FYCO1: variants seen among roughly 807,000 people sequenced by gnomAD.
FYCO1 encodes FYVE and coiled-coil domain autophagy adaptor 1, also known as FYVE and coiled-coil domain-containing protein 1.
Under a neutral mutation model 165.1 loss-of-function variants are expected in FYCO1, and 122 were observed. The ratio of observed to expected loss-of-function variants is 0.74; its 90% CI spans 0.64 to 0.86. The LOEUF (loss-of-function observed/expected upper bound fraction) is 0.86, where lower values mean the gene tolerates loss of function less well. Ranked by LOEUF, FYCO1 falls within the 40% of genes least tolerant of loss-of-function variation. The pLI, the probability that FYCO1 is intolerant of heterozygous loss-of-function variation, is 0.00. For missense variants in FYCO1, 1,702 were observed against 1,810.3 expected, an observed-to-expected ratio of 0.94 and a Z score of 1.09; for synonymous variants, 648 against 742.5, an observed-to-expected ratio of 0.87 and a Z score of 2.07.
chr3:45,948,066 C>T (rs1704753139), intron 14 of FYCO1: 1 of 168,012 alleles, frequency 6.0e-6, no homozygotes, highest in African/African-American at 2.4e-5. Flanking sequence ...GAATAACTAG[C>T]ACCAGGGACT....
At chr3:45,991,014 G>A (rs1707536609) in intron 1 of FYCO1, among the ~76,000 whole-genome samples, 3 of 152,126 alleles carry the variant, frequency 2.0e-5, no homozygotes, top group Non-Finnish European at 2.9e-5. Flanking sequence ...TCCTGACCTC[G>A]TGATCCACCC....
intron 16 of FYCO1, among the ~76,000 whole-genome samples, chr3:45,926,665 TC>T (rs1420157257): frequency 1.3e-5 from 2 of 152,108 alleles, no homozygotes; most frequent in Non-Finnish European, 1.5e-5. Flanking sequence ...CTAATTGGCA[TC>T]TATAATAGAA....
At chr3:45,987,430 A>G (rs1196407435) in intron 1 of FYCO1, among the ~76,000 whole-genome samples, 4 of 152,240 alleles carry the variant, frequency 2.6e-5, no homozygotes, top group African/African-American at 9.6e-5. Flanking sequence ...GATCTGAGGA[A>G]GGGAAAATCT....
intron 6 of FYCO1, 56 bp downstream of exon 6, chr3:45,973,032 C>T: frequency 6.2e-7 from 1 of 1,606,490 alleles, no homozygotes; most frequent in Non-Finnish European, 8.5e-7. Context: ...TGGCAATCTT[C>T]AAAACTTCAA....
In FYCO1 at chr3:45,985,995, C is replaced by T. The variant is rs116452837; in HGVS notation, c.-112-973G>A. Among the ~76,000 whole-genome samples the T allele has an allele frequency of 5.6e-3, 860 of 152,352 alleles. 4 individuals are homozygous for T. The highest frequency in any genetic ancestry group is 7.1e-3 in the Non-Finnish European group (485 of 68,038). On this transcript the variant is annotated intron_variant, in intron 1 of 17. Coordinates refer to ENST00000296137, the MANE Select transcript of FYCO1 (RefSeq NM_024513.4). Reference sequence around the variant, plus strand: ...GCCGGCACTAAATGAGGGTCTATTGCGTGCAGGGCTCTGTTACGTGCTTTA... The same window carrying T: ...GCCGGCACTAAATGAGGGTCTATTGTGTGCAGGGCTCTGTTACGTGCTTTA...
intron 14 of FYCO1, among the ~76,000 whole-genome samples, chr3:45,937,839 T>C (rs903519892): frequency 1.8e-4 from 28 of 152,162 alleles, no homozygotes; most frequent in African/African-American, 6.5e-4. Flanking sequence ...TTCCAGCCGC[T>C]GGTTTCCAGG....
chr3:45,994,486 A>C (rs1366516794), intron 1 of FYCO1, among the ~76,000 whole-genome samples: 1 of 152,200 alleles, frequency 6.6e-6, no homozygotes, highest in Non-Finnish European at 1.5e-5. Context: ...TTTCAGGGTG[A>C]TAATAACCAC....
At position 45,979,807 on chromosome 3, in the gene FYCO1, G is replaced by A. The variant is rs147216026; in HGVS notation, c.186C>T (p.Thr62=). The change falls in exon 4 of 18, where the codon ACC becomes ACT. Residue 62 remains threonine (T), a synonymous_variant. Transcript: ENST00000296137. ...AGTAGTCCTTCTTGTTGCCCAGGAGGGTGGCCTTCTCTTTCTGATCAAACT... is the reference window on the plus strand; with the variant it reads ...AGTAGTCCTTCTTGTTGCCCAGGAGAGTGGCCTTCTCTTTCTGATCAAACT... ...LLQFDQKEKA[T]LLGNKKDYWD... is the part of the protein sequence containing the mutation. 388 of 1,614,016 alleles carry A rather than the reference G, an allele frequency of 2.4e-4. 1 individual carries two copies. The Middle Eastern group carries it at 2.8e-3, about 12-fold the overall frequency.
At chr3:45,944,214 G>GTATA (rs1211915624) in intron 14 of FYCO1, among the ~76,000 whole-genome samples, 1 of 151,582 alleles carries the variant, frequency 6.6e-6, no homozygotes, top group Admixed American at 6.6e-5. Flanking sequence ...GTGTGTGTGT[G>GTATA]TGTATATATA....
intron 1 of FYCO1, 32 bp from the exon 2 acceptor site, chr3:45,985,054 G>T: frequency 1.3e-6 from 1 of 784,290 alleles, no homozygotes; most frequent in Non-Finnish European, 2.3e-6. Context: ...CATGGAGGAA[G>T]CAGATACAGA....
At chr3:45,932,369 C>T (rs150839392) in intron 15 of FYCO1, among the ~76,000 whole-genome samples, 39 of 152,342 alleles carry the variant, frequency 2.6e-4, no homozygotes, top group African/African-American at 8.4e-4. Flanking sequence ...AGGCCACGCC[C>T]TGTGCTCAAC....
chr3:45,943,403 G>A (rs1704366161), intron 14 of FYCO1: 1 of 152,172 alleles, frequency 6.6e-6, no homozygotes, highest in Non-Finnish European at 1.5e-5. Flanking sequence ...GGAGTAGGGG[G>A]TGGGTCTCTT....
In FYCO1 at chr3:45,966,205, G is replaced by T. The variant is rs746318305; in HGVS notation, c.3057+72C>A. On this transcript the variant is annotated intron_variant, in intron 8 of 17. Transcript: ENST00000296137. ...CCTCACCTGCCTCATGGCTAAAGGT[G>T]CATCTTCCCATGGACCCACCAGGCC... is the stretch of plus-strand genomic sequence containing the variant. 1.0e-5 allele frequency: 15 copies of T among 1,500,652 alleles called. No homozygotes were observed. In the South Asian group the frequency reaches 1.0e-4, roughly 10 times the overall value. 93.0% of individuals were successfully genotyped at this position (1,500,652 alleles called of 1,614,324 possible).
Position 45,968,102 on chromosome 3 carries a change from T to C in FYCO1, c.1232A>G (p.Glu411Gly). ...QELGEKLQALERERTKVEEVN... is the reference protein window; with the variant it reads ...QELGEKLQALGRERTKVEEVN... ...CTCCTCGACCTTGGTTCTCTCCCTT[T>C]CTAGGGCTTGAAGCTTCTCCCCTAG... Residue 411 changes from glutamate to glycine, a missense_variant, in exon 8 of 18, where the codon GAA becomes GGA. Transcript: ENST00000296137. The C allele has an allele frequency of 2.5e-6, 4 of 1,614,190 alleles. No individual in the cohort carries two copies. The highest frequency in any genetic ancestry group is 1.6e-4 in the Middle Eastern group (1 of 6,062).
At chr3:45,954,800 G>A (rs1391925458) in intron 14 of FYCO1, among the ~76,000 whole-genome samples, 2 of 152,150 alleles carry the variant, frequency 1.3e-5, no homozygotes, top group African/African-American at 4.8e-5. Flanking sequence ...TGCAACAGGG[G>A]ACAGCCACAT....
rs1199194597 is a variant in FYCO1, at chr3:45,955,516, T to A, written c.3800-123A>T. The stretch of plus-strand genomic sequence containing the variant: ...CAGAACAAGCTGCTGAGGCACAATT[T>A]AAGTGGTCACTCAACTGACAGCTAT... On this transcript the variant is annotated intron_variant, in intron 13 of 17. Coordinates refer to ENST00000296137, the MANE Select transcript of FYCO1 (RefSeq NM_024513.4). 9.1e-6 allele frequency: 10 copies of A among 1,096,772 alleles called. No homozygotes were observed. The Admixed American group carries it at 1.4e-4, about 15-fold the overall frequency. The allele number at this position is 1,096,772 out of a possible 1,614,324, so 67.9% of individuals were successfully genotyped here.
chr3:45,936,676 T>C lies in FYCO1; in HGVS notation c.3945-133A>G. 3 of 724,954 alleles carry C rather than the reference T, an allele frequency of 4.1e-6. No individual in the cohort carries two copies. The South Asian group carries it at 4.3e-5, about 10-fold the overall frequency. 44.9% of individuals were successfully genotyped at this position (724,954 alleles called of 1,614,324 possible). A position where few individuals can be genotyped will look rare whatever the true frequency, so the allele number is the denominator to read the frequency against. On this transcript the variant is annotated intron_variant, in intron 14 of 17. Transcript: ENST00000296137. Reference sequence around the variant, plus strand: ...GGGGATCCTTTAATCATAGAGGCCATGACAGAGACCCTGGCAGATTTTGTG... The same window carrying C: ...GGGGATCCTTTAATCATAGAGGCCACGACAGAGACCCTGGCAGATTTTGTG...
intron 14 of FYCO1, chr3:45,946,523 T>C: frequency 6.2e-7 from 1 of 1,614,098 alleles, no homozygotes; most frequent in Non-Finnish European, 8.5e-7. Flanking sequence ...GGTTCAGCAG[T>C]TTCAATGACA....
At chr3:45,959,931 C>G (rs1049156535) in intron 11 of FYCO1, among the ~76,000 whole-genome samples, 1 of 152,218 alleles carries the variant, frequency 6.6e-6, no homozygotes, top group African/African-American at 2.4e-5. Flanking sequence ...GTACTTCCCA[C>G]CTGAATCTTA....
Sources: allele counts gnomAD v4.1 joint callset (sites outside exome capture counted in the v4.1 genomes callset), GRCh38; gene constraint gnomAD v4.1.1; transcripts MANE v1.5; gene names NCBI Gene and HGNC (gene_info 2026-07-23, HGNC 2026-07-21).